HSPD1: variants seen among roughly 807,000 people sequenced by gnomAD.
The protein encoded by HSPD1 is 60 kDa heat shock protein, mitochondrial.
Under a neutral mutation model 53.0 loss-of-function variants are expected in HSPD1, and 3 were observed. The observed-to-expected ratio is 0.06, with a 90% confidence interval of 0.03 to 0.15. HSPD1 has a LOEUF of 0.15. Ranked by LOEUF, HSPD1 falls within the 10% of genes least tolerant of loss-of-function variation. The pLI, the probability that HSPD1 is intolerant of heterozygous loss-of-function variation, is 1.00. For missense variants in HSPD1, 431 were observed against 694.1 expected, an observed-to-expected ratio of 0.62 and a Z score of 4.26; for synonymous variants, 200 against 228.0, an observed-to-expected ratio of 0.88 and a Z score of 1.10.
At chr2:197,495,057 A>G (rs993913942) in intron 4 of HSPD1, 1 of 599,856 alleles carries the variant, frequency 1.7e-6, no homozygotes, top group African/African-American at 1.9e-5. Flanking sequence ...ACATTTTCAC[A>G]ATCATATGAA....
intron 3 of HSPD1, 39 bp from the exon 4 acceptor site, chr2:197,495,415 C>T: frequency 8.3e-7 from 1 of 1,210,414 alleles, no homozygotes. Flanking sequence ...GTTTATTTCT[C>T]TCATGGCTTC....
At position 197,492,812 on chromosome 2, in the gene HSPD1, C is replaced by G. The variant is rs537229936; in HGVS notation, c.869+512G>C. On this transcript the variant is annotated intron_variant, in intron 7 of 11. Transcript: ENST00000388968. ...GGATCACGAGGTCAGGAGTTTGAGA[C>G]CAGCCTGGCCAATATGGTGAAACCC... 7.2e-4 allele frequency among the ~76,000 whole-genome samples: 110 copies of G among 151,780 alleles called. 1 individual carries two copies. Among genetic ancestry groups the G allele is most frequent in the African/African-American group, 2.5e-3 (105 of 41,396 alleles).
At position 197,488,391 on chromosome 2, in the gene HSPD1, C is replaced by G; in HGVS notation, c.1316G>C (p.Gly439Ala). The change falls in exon 10 of 12, where the codon GGA becomes GCA. Residue 439 changes from glycine (G) to alanine (A), a missense_variant. Gly to Ala is a moderately conservative substitution (Grantham distance 60). Around this residue, in one of 2 missense-constraint regions of HSPD1, gnomAD observed 386 missense variants for 657.6 expected, o/e 0.59. Coordinates refer to ENST00000388968, the MANE Select transcript of HSPD1 (RefSeq NM_002156.5). ...GCATCGAAGGAGGGCACAACCCCCT[C>G]CCAAAACAATGCCTTCTTCAACAGC... ...RAAVEEGIVLGGGCALLRCIP... is the reference protein window; with the variant it reads ...RAAVEEGIVLAGGCALLRCIP... 1 of 1,613,910 alleles carries G rather than the reference C, an allele frequency of 6.2e-7. No homozygotes were observed.
intron 11 of HSPD1, among the ~76,000 whole-genome samples, chr2:197,487,472 A>C (rs1205699190): frequency 6.6e-6 from 1 of 152,136 alleles, no homozygotes; most frequent in Non-Finnish European, 1.5e-5. Context: ...GCTTGAACCC[A>C]GGAGGTGGAG....
At chr2:197,490,098 C>G (rs2086072468) in intron 8 of HSPD1, 99 bp downstream of exon 8, 3 of 925,518 alleles carry the variant, frequency 3.2e-6, no homozygotes, top group Non-Finnish European at 3.6e-6. Context: ...CCAAAAGAAA[C>G]AGATAGTTGT....
chr2:197,497,075 C>G, intron 3 of HSPD1, 65 bp downstream of exon 3: 1 of 1,466,278 alleles, frequency 6.8e-7, no homozygotes, highest in Non-Finnish European at 9.6e-7. Context: ...TCCTTAGGTC[C>G]AAGGAATCAA....
At chr2:197,495,259 T>C in intron 4 of HSPD1, 35 bp downstream of exon 4, 1 of 1,321,500 alleles carries the variant, frequency 7.6e-7, no homozygotes, top group Non-Finnish European at 1.1e-6. Flanking sequence ...CCATTAAATT[T>C]TTTTTAAAAA....
chr2:197,497,078 G>A (rs775258943), intron 3 of HSPD1, 62 bp downstream of exon 3: 50 of 1,510,590 alleles, frequency 3.3e-5, no homozygotes, highest in Non-Finnish European at 4.4e-5. Flanking sequence ...TTAGGTCCAA[G>A]GAATCAATGC....
intron 4 of HSPD1, 125 bp from the exon 5 acceptor site, chr2:197,494,877 G>C (rs564553952): frequency 2.2e-5 from 16 of 720,786 alleles, no homozygotes; most frequent in Middle Eastern, 4.6e-4. Context: ...GGGAATTTAC[G>C]TTATGGTAGT....
At chr2:197,490,108 T>G in intron 8 of HSPD1, 89 bp downstream of exon 8, 1 of 954,212 alleles carries the variant, frequency 1.0e-6, no homozygotes. Flanking sequence ...CAGATAGTTG[T>G]AGTATCTAAT....
In HSPD1 at chr2:197,498,976, T is replaced by C. The variant is rs543699703; in HGVS notation, c.-2-126A>G. 325 of 854,202 alleles carry C rather than the reference T, an allele frequency of 3.8e-4. 1 individual carries two copies. In the South Asian group the frequency reaches 4.3e-3, roughly 11 times the overall value. 52.9% of individuals were successfully genotyped at this position (854,202 alleles called of 1,614,324 possible). A position where few individuals can be genotyped will look rare whatever the true frequency, so the allele number is the denominator to read the frequency against. The stretch of plus-strand genomic sequence containing the variant: ...AGCCTGGCTGACCTCCGCCAGCCAC[T>C]ACGCCTGAATGACGGAAGGCGCCGC... On this transcript the variant is annotated intron_variant, in intron 1 of 11. Coordinates refer to ENST00000388968, the MANE Select transcript of HSPD1 (RefSeq NM_002156.5).
chr2:197,490,707 G>A, intron 7 of HSPD1: 1 of 244,790 alleles, frequency 4.1e-6, no homozygotes, highest in South Asian at 5.1e-5. Flanking sequence ...GCAGGCACCT[G>A]TAATCCCCAC....
At chr2:197,488,168 T>C (rs1574596213) in intron 10 of HSPD1, 132 bp from the exon 11 acceptor site, 2 of 982,642 alleles carry the variant, frequency 2.0e-6, no homozygotes, top group East Asian at 5.2e-5. Context: ...CTGAAAAAGA[T>C]GTGATGCATG....
At chr2:197,487,350 C>T in intron 11 of HSPD1, 152 bp from the exon 12 acceptor site, 1 of 695,434 alleles carries the variant, frequency 1.4e-6, no homozygotes, top group South Asian at 1.7e-5. Flanking sequence ...AGTTCAAGAC[C>T]AGCCTGGCCA....
chr2:197,495,683 T>C (rs1342362158), intron 3 of HSPD1, among the ~76,000 whole-genome samples: 6 of 152,074 alleles, frequency 3.9e-5, no homozygotes, highest in Non-Finnish European at 8.8e-5. Flanking sequence ...GGTCTTGAAC[T>C]CCTGGGCTCA....
chr2:197,489,365 A>G, intron 8 of HSPD1, 118 bp from the exon 9 acceptor site: 1 of 1,075,942 alleles, frequency 9.3e-7, no homozygotes, highest in Non-Finnish European at 1.4e-6. Flanking sequence ...GAAATGAGAG[A>G]TTTTAAGATC....
At chr2:197,498,648 A>C (rs373266608) in intron 2 of HSPD1, 27 bp downstream of exon 2, 1 of 1,597,108 alleles carries the variant, frequency 6.3e-7, no homozygotes, top group Non-Finnish European at 8.6e-7. Flanking sequence ...TAATACCGTA[A>C]TTACAATAAA....
intron 9 of HSPD1, 125 bp from the exon 10 acceptor site, chr2:197,488,616 C>T (rs2086054555): frequency 1.1e-6 from 1 of 896,984 alleles, no homozygotes. Flanking sequence ...CACCTGTAAT[C>T]CTAGCACTTT....
At chr2:197,487,673 T>C (rs949940838) in intron 11 of HSPD1, among the ~76,000 whole-genome samples, 185 bp downstream of exon 11, 1 of 152,240 alleles carries the variant, frequency 6.6e-6, no homozygotes, top group Admixed American at 6.5e-5. Flanking sequence ...TGCTTCCTTT[T>C]AGTGGAGTAT....
Sources: gnomAD v4.1 joint callset for allele counts (sites outside exome capture counted in the v4.1 genomes callset) on GRCh38, gnomAD v4.1.1 for gene constraint, gnomAD v4.1.1 regional missense constraint, MANE v1.5 for transcripts, NCBI Gene and HGNC (gene_info 2026-07-23, HGNC 2026-07-21) for gene names.